The following GRIN2A variants were observed in gnomAD, a reference collection of about 807,000 sequenced individuals.
GRIN2A encodes glutamate ionotropic receptor NMDA type subunit 2A.
A neutral mutation model predicts 113.4 loss-of-function variants in GRIN2A; 22 were observed. That is an observed-to-expected ratio of 0.19 (90% CI 0.14 to 0.28). The LOEUF is 0.28. GRIN2A is among the 10% of genes least tolerant of loss of function. The pLI, the probability that GRIN2A is intolerant of heterozygous loss-of-function variation, is 1.00. For missense variants in GRIN2A, 1,502 were observed against 1,887.0 expected, an observed-to-expected ratio of 0.80 and a Z score of 3.78; for synonymous variants, 827 against 738.4, an observed-to-expected ratio of 1.12 and a Z score of -1.94.
chr16:9,829,168 T>C (rs796511739), intron 9 of GRIN2A, among the ~76,000 whole-genome samples: 5 of 152,232 alleles, frequency 3.3e-5, no homozygotes, highest in African/African-American at 9.6e-5. Context: ...ATCATATAAA[T>C]AGGAAACACG....
Position 9,760,318 on chromosome 16 carries a change from A to C in GRIN2A, c.*2831T>G, listed in dbSNP as rs1322245303. 4.9e-6 allele frequency: 1 copy of C among 205,636 alleles called. No homozygotes were observed. Among genetic ancestry groups the C allele is most frequent in the Non-Finnish European group, 9.7e-6 (1 of 103,414 alleles). 12.7% of individuals were successfully genotyped at this position (205,636 alleles called of 1,614,324 possible). A position where few individuals can be genotyped will look rare whatever the true frequency, so the allele number is the denominator to read the frequency against. On this transcript the variant is annotated 3_prime_UTR_variant, in exon 13 of 13. Coordinates refer to ENST00000330684, the MANE Select transcript of GRIN2A (RefSeq NM_001134407.3). ...TGCAAAGACTGAACTGACTTAGATG[A>C]CCTTTGAATAACTCTACATCTTTTC...
In GRIN2A at chr16:9,816,849, G is replaced by C. The variant is rs189373536; in HGVS notation, c.2168+5415C>G. ...GGCTCAGCAATCTACATTTTTATTA[G>C]CACCTATTCTGATTCAGACTCAGGC... On this transcript the variant is annotated intron_variant, in intron 10 of 12. Coordinates refer to ENST00000330684, the MANE Select transcript of GRIN2A (RefSeq NM_001134407.3). Among the ~76,000 whole-genome samples, 639 of 152,210 alleles carry C rather than the reference G, an allele frequency of 4.2e-3. 4 individuals are homozygous for C. Among genetic ancestry groups the C allele is most frequent in the African/African-American group, 0.015 (606 of 41,536 alleles).
In GRIN2A at chr16:10,180,371, G is replaced by A; in HGVS notation, c.41C>T (p.Ala14Val). ...CGCCGGACCGCGCCAGACCAGAAGG[G>A]CCGGCAGCACCAGCAGGGTCCAATA... Reference protein sequence around the residue: ...VGYWTLLVLPALLVWRGPAPS... With the variant: ...VGYWTLLVLPVLLVWRGPAPS... The change falls in exon 2 of 13, where the codon GCC becomes GTC. Residue 14 changes from alanine to valine, a missense_variant. Coordinates refer to ENST00000330684, the MANE Select transcript of GRIN2A (RefSeq NM_001134407.3). The surrounding 1 kb of genome is among the most constrained non-coding windows in gnomAD (Gnocchi z 7.0). 1 of 1,608,026 alleles carries A rather than the reference G, an allele frequency of 6.2e-7. No individual in the cohort carries two copies. Among genetic ancestry groups the A allele is most frequent in the Non-Finnish European group, 8.5e-7 (1 of 1,179,860 alleles).
At chr16:10,022,222 T>C (rs1031029404) in intron 2 of GRIN2A, among the ~76,000 whole-genome samples, 1 of 152,180 alleles carries the variant, frequency 6.6e-6, no homozygotes, top group Admixed American at 6.5e-5. Flanking sequence ...CCTAGCAGAA[T>C]AGAATGCAAG....
chr16:10,121,396 C>A (rs2352754), intron 2 of GRIN2A: 44 of 152,054 alleles, frequency 2.9e-4, no homozygotes, highest in African/African-American at 1.0e-3. Flanking sequence ...ATGAGGAAGA[C>A]GTTGGGGCTT....
At position 9,753,906 on chromosome 16, in the gene GRIN2A, C is replaced by G. The variant is rs1395962118; in HGVS notation, c.*9243G>C. 3 of 178,222 alleles carry G rather than the reference C, an allele frequency of 1.7e-5. No homozygotes were observed. Among genetic ancestry groups the G allele is most frequent in the African/African-American group, 7.1e-5 (3 of 42,278 alleles). The allele number at this position is 178,222 out of a possible 1,614,324, so 11.0% of individuals were successfully genotyped here. A position where few individuals can be genotyped will look rare whatever the true frequency, so the allele number is the denominator to read the frequency against. On this transcript the variant is annotated 3_prime_UTR_variant, in exon 13 of 13. Coordinates refer to ENST00000330684, the MANE Select transcript of GRIN2A (RefSeq NM_001134407.3). ...ATAGAAACCCTCTGCATATGGAGTT[C>G]AATCCTAGCCTTGTTGGGTTAAAAA...
Position 9,891,054 on chromosome 16 carries a change from C to G in GRIN2A, c.1054G>C (p.Glu352Gln). ...CTGGGGTGCACCTGGTAGCCTTCCT[C>G]AGTGAAGGATAAGTCTTTGCCATCC... is the stretch of plus-strand genomic sequence containing the variant. ...TWDGKDLSFT[E>Q]EGYQVHPRLV... The change falls in exon 4 of 13, where the codon GAG (glutamate) becomes CAG (glutamine). Residue 352 changes from glutamate (E) to glutamine (Q), a missense_variant. Physicochemically the swap from Glu to Gln is conservative, Grantham distance 29. This residue lies in a region of GRIN2A where 334 missense variants were observed against 403.0 expected (regional missense o/e 0.83). Coordinates refer to ENST00000330684, the MANE Select transcript of GRIN2A (RefSeq NM_001134407.3). The G allele has an allele frequency of 5.6e-6, 9 of 1,613,358 alleles. No individual in the cohort carries two copies. Among genetic ancestry groups the G allele is most frequent in the Non-Finnish European group, 7.6e-6 (9 of 1,179,320 alleles).
chr16:9,770,909 C>A (rs1901235205), intron 11 of GRIN2A, among the ~76,000 whole-genome samples: 1 of 152,174 alleles, frequency 6.6e-6, no homozygotes, highest in South Asian at 2.1e-4. Context: ...TAGTGTGGTA[C>A]AGTTTTTACA....
intron 3 of GRIN2A, among the ~76,000 whole-genome samples, chr16:9,924,110 CAAAAAAAAAAA>C (rs921695456): frequency 2.2e-4 from 4 of 18,220 alleles, no homozygotes; most frequent in African/African-American, 5.3e-4. Flanking sequence ...GACTTGGTCT[CAAAAAAAAAAA>C]AAAAAAAAAA....
chr16:9,802,861 G>A (rs1048400839), intron 10 of GRIN2A, among the ~76,000 whole-genome samples: 1 of 152,060 alleles, frequency 6.6e-6, no homozygotes, highest in East Asian at 1.9e-4. Context: ...GGGGTCCCAC[G>A]TGCCTATGGG....
chr16:9,934,397 T>G (rs535089540), intron 3 of GRIN2A, among the ~76,000 whole-genome samples: 1 of 152,186 alleles, frequency 6.6e-6, no homozygotes, highest in East Asian at 1.9e-4. Context: ...ATATAGTGCC[T>G]TGACCAGGTG....
intron 3 of GRIN2A, among the ~76,000 whole-genome samples, chr16:9,901,220 C>T (rs911338244): frequency 6.6e-6 from 1 of 152,112 alleles, no homozygotes; most frequent in African/African-American, 2.4e-5. Context: ...ACAAAAGTCT[C>T]AACTCTCTGT....
chr16:10,027,282 A>G (rs1380526358), intron 2 of GRIN2A, among the ~76,000 whole-genome samples: 2 of 152,208 alleles, frequency 1.3e-5, no homozygotes, highest in Non-Finnish European at 2.9e-5. Flanking sequence ...AGGCTCAGAG[A>G]GAACAGACTT....
chr16:9,890,260 C>A (rs140941117), intron 4 of GRIN2A, among the ~76,000 whole-genome samples: 1 of 152,146 alleles, frequency 6.6e-6, no homozygotes, highest in African/African-American at 2.4e-5. Flanking sequence ...ACTCTTTATA[C>A]GAAATTGTAG....
chr16:9,817,949 G>C (rs933797524), intron 10 of GRIN2A, among the ~76,000 whole-genome samples: 4 of 152,226 alleles, frequency 2.6e-5, no homozygotes, highest in East Asian at 1.9e-4. Flanking sequence ...GAGCAGATGA[G>C]GTTACCTTCT....
At chr16:10,091,883 C>T (rs1287939058) in intron 2 of GRIN2A, among the ~76,000 whole-genome samples, 1 of 152,130 alleles carries the variant, frequency 6.6e-6, no homozygotes, top group East Asian at 1.9e-4. Context: ...CAATGATTGA[C>T]AGGCCTGAGA....
At chr16:9,998,994 C>T (rs1015054925) in intron 2 of GRIN2A, among the ~76,000 whole-genome samples, 5 of 152,120 alleles carry the variant, frequency 3.3e-5, no homozygotes, top group African/African-American at 1.2e-4. Flanking sequence ...CAGCTCAGAG[C>T]CAATGGAAGC....
At chr16:10,028,067 T>C (rs2046855498) in intron 2 of GRIN2A, among the ~76,000 whole-genome samples, 1 of 152,184 alleles carries the variant, frequency 6.6e-6, no homozygotes, top group South Asian at 2.1e-4. Flanking sequence ...GTCTAGTCAC[T>C]GAAAATGCCG....
rs368112537 is a variant in GRIN2A at position 10,126,941 on chromosome 16, T to A, written c.414+53057A>T. Among the ~76,000 whole-genome samples, 13 of 152,288 alleles carry A rather than the reference T, an allele frequency of 8.5e-5. No individual in the cohort carries two copies. The South Asian group carries it at 2.7e-3, about 32-fold the overall frequency. On this transcript the variant is annotated intron_variant, in intron 2 of 12. Coordinates refer to ENST00000330684, the MANE Select transcript of GRIN2A (RefSeq NM_001134407.3). ...TGAGTCACACTCTGAAGTCCTGACC[T>A]CACCATAAACAAAGAGCCTTTTCTG...
Sources: allele counts gnomAD v4.1 joint callset (sites outside exome capture counted in the v4.1 genomes callset), GRCh38; gene constraint gnomAD v4.1.1; regional missense constraint gnomAD v4.1.1; non-coding constraint Gnocchi (gnomAD v3.1); transcripts MANE v1.5; gene names NCBI Gene and HGNC (gene_info 2026-07-23, HGNC 2026-07-21).